The following MED27 variants were observed in gnomAD, a reference collection of about 807,000 sequenced individuals.
MED27 encodes mediator complex subunit 27, also known as mediator of RNA polymerase II transcription subunit 27.
Under a neutral mutation model 38.2 loss-of-function variants are expected in MED27, and 30 were observed. The observed-to-expected ratio is 0.79, with a 90% CI of 0.59 to 1.07. MED27 has a LOEUF of 1.07. MED27 is among the 50% of genes least tolerant of loss of function. The probability of loss-of-function intolerance (pLI) is 0.00; values close to 1 mark genes in which losing one functional copy is unlikely to be tolerated. For missense variants in MED27, 289 were observed against 397.5 expected (o/e 0.73, Z 2.32); for synonymous variants, 122 against 153.5 (o/e 0.79, Z 1.52).
intron 2 of MED27, among the ~76,000 whole-genome samples, chr9:132,041,536 C>T (rs1833210849): frequency 6.6e-6 from 1 of 152,222 alleles, no homozygotes; most frequent in African/African-American, 2.4e-5. Flanking sequence ...AGAGCTCAGT[C>T]GCTCCCCATC....
At chr9:132,012,176 C>T (rs556923738) in intron 3 of MED27, among the ~76,000 whole-genome samples, 3 of 152,306 alleles carry the variant, frequency 2.0e-5, no homozygotes, top group African/African-American at 4.8e-5. Context: ...TTTTACTTCT[C>T]GCCAAACATC....
chr9:131,979,691 T>A (rs565879938), intron 3 of MED27, among the ~76,000 whole-genome samples: 9 of 152,268 alleles, frequency 5.9e-5, no homozygotes, highest in African/African-American at 2.2e-4. Context: ...GAATGGAGAG[T>A]TTACATTTTA....
chr9:131,913,388 A>G lies in MED27; in HGVS notation c.574-19396T>C, dbSNP rs1830225951. Among the ~76,000 whole-genome samples the G allele has an allele frequency of 6.6e-6, 1 of 152,248 alleles. No individual in the cohort carries two copies. The highest frequency in any genetic ancestry group is 1.5e-5 in the Non-Finnish European group (1 of 68,040). On this transcript the variant is annotated intron_variant, in intron 4 of 7. Coordinates refer to ENST00000292035, the MANE Select transcript of MED27 (RefSeq NM_004269.4). This position sits in a 1 kb window ranked among gnomAD's most constrained non-coding sequence, Gnocchi z 4.5. ...CTTCTGAGTCTCAGTGTTCTCATCT[A>G]TAAAACAGTGATAACATCTTCGGCT...
chr9:131,907,061 T>C (rs1830077504), intron 4 of MED27, among the ~76,000 whole-genome samples: 1 of 152,210 alleles, frequency 6.6e-6, no homozygotes, highest in African/African-American at 2.4e-5. Flanking sequence ...TGACCAATGG[T>C]CACTTTTGCT....
intron 3 of MED27, among the ~76,000 whole-genome samples, chr9:132,011,295 C>T (rs899694272): frequency 2.0e-5 from 3 of 152,066 alleles, no homozygotes. Context: ...AAGTCTAGAA[C>T]AATATCCATC....
intron 3 of MED27, among the ~76,000 whole-genome samples, chr9:131,975,820 G>A (rs778579690): frequency 5.3e-5 from 8 of 152,188 alleles, no homozygotes; most frequent in Non-Finnish European, 1.0e-4. Flanking sequence ...AGGATGTGGG[G>A]TTTCACTGGC....
chr9:132,061,383 C>A (rs1441327039), intron 2 of MED27, among the ~76,000 whole-genome samples: 1 of 152,136 alleles, frequency 6.6e-6, no homozygotes, highest in Non-Finnish European at 1.5e-5. Context: ...CACTTTACAC[C>A]TTTTGACTTT....
chr9:131,909,991 C>T (rs1244259356), intron 4 of MED27, among the ~76,000 whole-genome samples: 1 of 152,160 alleles, frequency 6.6e-6, no homozygotes, highest in African/African-American at 2.4e-5. Context: ...ACCCAGGAAT[C>T]CCTAGAGAAA....
chr9:132,068,354 G>A (rs1031121370), intron 2 of MED27, among the ~76,000 whole-genome samples: 6 of 152,158 alleles, frequency 3.9e-5, no homozygotes, highest in Non-Finnish European at 7.3e-5. Context: ...TGCCAGCGAG[G>A]GAGCTGGAAT....
intron 4 of MED27, among the ~76,000 whole-genome samples, chr9:131,908,056 G>A (rs1362416644): frequency 6.7e-6 from 1 of 149,598 alleles, no homozygotes; most frequent in African/African-American, 2.5e-5. Flanking sequence ...GAGTCTCTCC[G>A]CCCGGCAGCC....
At chr9:132,030,226 G>T (rs1191855453) in intron 2 of MED27, among the ~76,000 whole-genome samples, 1 of 152,218 alleles carries the variant, frequency 6.6e-6, no homozygotes, top group Non-Finnish European at 1.5e-5. Flanking sequence ...GGTGCCCCTC[G>T]TGACAGCGCT....
chr9:131,871,752 G>A lies in MED27; in HGVS notation c.724-8612C>T, dbSNP rs149513404. On this transcript the variant is annotated intron_variant, in intron 6 of 7. Transcript: ENST00000292035. The stretch of plus-strand genomic sequence containing the variant: ...TTTAGTAAAGACGAGGTCTTGCCAT[G>A]TTGTCCAAGCTGGTCTTGAACTCCT... Among the ~76,000 whole-genome samples, 6 of 152,252 alleles carry A rather than the reference G, an allele frequency of 3.9e-5. No individual in the cohort carries two copies. The East Asian group carries it at 1.2e-3, about 29-fold the overall frequency.
chr9:131,940,204 C>T (rs952836002), intron 3 of MED27, among the ~76,000 whole-genome samples: 4 of 152,050 alleles, frequency 2.6e-5, no homozygotes, highest in Non-Finnish European at 5.9e-5. Flanking sequence ...TGTGCCCGGC[C>T]AATTCCTTCT....
intron 4 of MED27, among the ~76,000 whole-genome samples, chr9:131,914,834 G>A (rs1265407969): frequency 1.3e-5 from 2 of 152,210 alleles, no homozygotes; most frequent in Non-Finnish European, 2.9e-5. Flanking sequence ...TGGCACTGGG[G>A]AAAGGTGAGT....
intron 6 of MED27, among the ~76,000 whole-genome samples, chr9:131,873,085 C>T (rs1589173116): frequency 1.3e-5 from 2 of 152,330 alleles, no homozygotes; most frequent in African/African-American, 2.4e-5. Context: ...AGGAGATCAG[C>T]CCAAGAGTTT....
At chr9:132,062,946 T>A (rs1450196627) in intron 2 of MED27, among the ~76,000 whole-genome samples, 1 of 152,154 alleles carries the variant, frequency 6.6e-6, no homozygotes, top group Admixed American at 6.5e-5. Context: ...AGCAAGACAG[T>A]TACGTAATCA....
chr9:132,028,945 T>G (rs944796980), intron 2 of MED27, among the ~76,000 whole-genome samples: 2 of 152,172 alleles, frequency 1.3e-5, no homozygotes, highest in African/African-American at 4.8e-5. Context: ...CATTTGCAGA[T>G]TCACCGGTAG....
intron 2 of MED27, among the ~76,000 whole-genome samples, chr9:132,069,911 G>A (rs1012681633): frequency 1.3e-5 from 2 of 152,170 alleles, no homozygotes; most frequent in African/African-American, 4.8e-5. Flanking sequence ...ACTGCACACC[G>A]CCAGGCACAG....
intron 3 of MED27, among the ~76,000 whole-genome samples, chr9:131,956,428 C>G (rs1168611327): frequency 6.6e-6 from 1 of 152,050 alleles, no homozygotes. Flanking sequence ...CCAGCCTGGC[C>G]AACATGGCGA....
Sources: gnomAD v4.1 joint callset for allele counts (sites outside exome capture counted in the v4.1 genomes callset) on GRCh38, gnomAD v4.1.1 for gene constraint, Gnocchi (gnomAD v3.1) non-coding constraint, MANE v1.5 for transcripts, NCBI Gene and HGNC (gene_info 2026-07-23, HGNC 2026-07-21) for gene names.